ZSCAN5A: variants seen among roughly 807,000 people sequenced by gnomAD.
The protein encoded by ZSCAN5A is zinc finger and SCAN domain-containing protein 5A.
ZSCAN5A carries 12 observed loss-of-function variants against 23.7 expected under a neutral mutation model. That is an observed-to-expected ratio of 0.51 (90% CI 0.32 to 0.82). The LOEUF is 0.82. Ranked by LOEUF, ZSCAN5A falls within the 40% of genes least tolerant of loss-of-function variation. The probability of loss-of-function intolerance (pLI) is 0.03; values close to 1 mark genes in which losing one functional copy is unlikely to be tolerated. For missense variants in ZSCAN5A, 597 were observed against 617.9 expected, an observed-to-expected ratio of 0.97 and a Z score of 0.36; for synonymous variants, 257 against 239.9, an observed-to-expected ratio of 1.07 and a Z score of -0.66.
chr19:56,300,741 T>C (rs1382283072), intron 2 of ZSCAN5A, among the ~76,000 whole-genome samples: 2 of 152,228 alleles, frequency 1.3e-5, no homozygotes, highest in East Asian at 1.9e-4. Flanking sequence ...TGCATTTGCC[T>C]GTACACTGGT....
chr19:56,303,028 G>A, intron 2 of ZSCAN5A: 1 of 396,432 alleles, frequency 2.5e-6, no homozygotes. Flanking sequence ...CCTAGGGGAA[G>A]TGTGGGCTCA....
At chr19:56,330,142 T>C (rs1466771404) in intron 2 of ZSCAN5A, among the ~76,000 whole-genome samples, 2 of 152,270 alleles carry the variant, frequency 1.3e-5, no homozygotes, top group African/African-American at 4.8e-5. Flanking sequence ...CCTGCATCGA[T>C]GTCACTGCAA....
At position 56,246,751 on chromosome 19, in the gene ZSCAN5A, G is replaced by T. The variant is rs765711480; in HGVS notation, c.-127-21578C>A. The T allele has an allele frequency of 1.9e-5, 29 of 1,496,784 alleles. No individual in the cohort carries two copies. In the Admixed American group the frequency reaches 4.7e-4, roughly 24 times the overall value. The allele number at this position is 1,496,784 out of a possible 1,614,324, so 92.7% of individuals were successfully genotyped here. On this transcript the variant is annotated intron_variant, in intron 2 of 5. Coordinates refer to ENST00000683990, the MANE Select transcript of ZSCAN5A (RefSeq NM_001322064.3). ...TCCAGCAGGTGTGGTGGGAGCAAAG[G>T]AGGGGAAGGAACCCAAAAAAAGAGC... is the stretch of plus-strand genomic sequence containing the variant.
At chr19:56,294,929 G>A (rs1160789529) in intron 2 of ZSCAN5A, 1 of 152,294 alleles carries the variant, frequency 6.6e-6, no homozygotes, top group African/African-American at 2.4e-5. Flanking sequence ...CAGCAGGCAA[G>A]TCCACAGATA....
At chr19:56,356,332 C>T (rs2041700348) in intron 2 of ZSCAN5A, among the ~76,000 whole-genome samples, 1 of 148,718 alleles carries the variant, frequency 6.7e-6, no homozygotes, top group Admixed American at 6.6e-5. Flanking sequence ...AGCGTACTTA[C>T]AGAAGCGAGA....
chr19:56,362,662 G>A (rs937079325), intron 2 of ZSCAN5A, among the ~76,000 whole-genome samples: 8 of 152,194 alleles, frequency 5.3e-5, no homozygotes, highest in Non-Finnish European at 1.0e-4. Context: ...GAGGTCAGGA[G>A]ATTAAGACCA....
intron 2 of ZSCAN5A, among the ~76,000 whole-genome samples, chr19:56,328,994 C>CA (rs61646242): frequency 0.025 from 2,605 of 106,294 alleles, 60 homozygotes; most frequent in African/African-American, 0.063. Flanking sequence ...GACTCCGTCT[C>CA]AAAAAAAAAA....
At chr19:56,222,567 G>T in intron 5 of ZSCAN5A, 24 bp downstream of exon 5, 5 of 1,612,666 alleles carry the variant, frequency 3.1e-6, no homozygotes, top group Non-Finnish European at 4.2e-6. Context: ...ACTAACCCCT[G>T]TGGATCCAAG....
chr19:56,286,081 G>C (rs1174978434), intron 2 of ZSCAN5A, among the ~76,000 whole-genome samples: 1 of 152,136 alleles, frequency 6.6e-6, no homozygotes, highest in Non-Finnish European at 1.5e-5. Flanking sequence ...GAGTGCAGTG[G>C]TGAGATCTCA....
At chr19:56,299,334 TG>T (rs965727441) in intron 2 of ZSCAN5A, among the ~76,000 whole-genome samples, 1 of 151,988 alleles carries the variant, frequency 6.6e-6, no homozygotes, top group Non-Finnish European at 1.5e-5. Flanking sequence ...GGTCTCCCTA[TG>T]TTGCCCAGGC....
In ZSCAN5A at chr19:56,222,709, G is replaced by C; in HGVS notation, c.621C>G (p.Asp207Glu). 7 of 1,614,098 alleles carry C rather than the reference G, an allele frequency of 4.3e-6. No individual in the cohort carries two copies. Among genetic ancestry groups the C allele is most frequent in the Non-Finnish European group, 5.1e-6 (6 of 1,180,030 alleles). Residue 207 changes from aspartate to glutamate, a missense_variant, in exon 5 of 6, where the codon GAC becomes GAG. Physicochemically the swap from Asp to Glu is conservative, Grantham distance 45 (BLOSUM62 2). This residue lies in a region of ZSCAN5A where 406 missense variants were observed against 353.2 expected (regional missense o/e 1.15). Transcript: ENST00000683990. Reference sequence around the variant, plus strand: ...TCAGAGACTTTGGGTCACCTGTTACGTCAATACTCTTGTGTAGCAGAAAGT... The same window carrying C: ...TCAGAGACTTTGGGTCACCTGTTACCTCAATACTCTTGTGTAGCAGAAAGT... ...GEDFLLHKSI[D>E]VTGDPKSLRP...
chr19:56,309,159 G>A (rs995875360), intron 2 of ZSCAN5A, among the ~76,000 whole-genome samples: 1 of 152,220 alleles, frequency 6.6e-6, no homozygotes, highest in Admixed American at 6.5e-5. Flanking sequence ...CAACACGGCT[G>A]AACCTTGAAA....
intron 2 of ZSCAN5A, among the ~76,000 whole-genome samples, chr19:56,334,200 C>G (rs1010719749): frequency 2.0e-5 from 3 of 152,182 alleles, no homozygotes; most frequent in African/African-American, 7.2e-5. Flanking sequence ...AGGAAACCTC[C>G]TTGGCTCCAA....
intron 4 of ZSCAN5A, 112 bp from the exon 5 acceptor site, chr19:56,222,853 G>C: frequency 6.8e-7 from 1 of 1,470,590 alleles, no homozygotes; most frequent in South Asian, 1.2e-5. Context: ...CACAGGTGTG[G>C]AAATACGTGC....
At chr19:56,257,103 A>C (rs1487158073) in intron 2 of ZSCAN5A, among the ~76,000 whole-genome samples, 1 of 152,214 alleles carries the variant, frequency 6.6e-6, no homozygotes, top group East Asian at 1.9e-4. Context: ...GGGGTTAGAT[A>C]GCCCCTCAAA....
intron 2 of ZSCAN5A, among the ~76,000 whole-genome samples, chr19:56,234,244 T>A (rs1004523668): frequency 2.0e-5 from 3 of 152,238 alleles, no homozygotes; most frequent in Non-Finnish European, 4.4e-5. Context: ...AAGAAACTAC[T>A]GAAGAGGAAA....
chr19:56,342,701 A>T, intron 2 of ZSCAN5A: 1 of 636,624 alleles, frequency 1.6e-6, no homozygotes, highest in Non-Finnish European at 2.9e-6. Context: ...GTAACTATAC[A>T]TCTGTTTTTC....
At chr19:56,233,948 C>T (rs556708039) in intron 2 of ZSCAN5A, among the ~76,000 whole-genome samples, 6 of 152,220 alleles carry the variant, frequency 3.9e-5, no homozygotes, top group Non-Finnish European at 5.9e-5. Flanking sequence ...CAGTAACTCA[C>T]GCCTGTAATC....
chr19:56,325,902 T>A (rs939360753), intron 2 of ZSCAN5A, among the ~76,000 whole-genome samples: 3 of 151,996 alleles, frequency 2.0e-5, no homozygotes, highest in African/African-American at 7.2e-5. Context: ...ATATTTAGAG[T>A]GTACAATGGG....
Sources: allele counts gnomAD v4.1 joint callset (sites outside exome capture counted in the v4.1 genomes callset), GRCh38; gene constraint gnomAD v4.1.1; regional missense constraint gnomAD v4.1.1; transcripts MANE v1.5; gene names NCBI Gene and HGNC (gene_info 2026-07-23, HGNC 2026-07-21).